GRB10: variants seen among roughly 807,000 people sequenced by gnomAD.
GRB10 encodes the protein growth factor receptor-bound protein 10.
In GRB10, 20 loss-of-function variants were observed where a neutral mutation model predicts 80.9. The ratio of observed to expected loss-of-function variants is 0.25; its 90% CI spans 0.17 to 0.36. The LOEUF is 0.36. GRB10 is among the 10% of genes least tolerant of loss of function. The probability of loss-of-function intolerance (pLI) is 1.00; values close to 1 mark genes in which losing one functional copy is unlikely to be tolerated. For missense variants in GRB10, 548 were observed against 747.7 expected (o/e 0.73, Z 3.12); for synonymous variants, 291 against 291.5 (o/e 1.00, Z 0.02).
At position 50,618,252 on chromosome 7, in the gene GRB10, C is replaced by T. The variant is rs1332590785; in HGVS notation, c.778-113G>A. 8.9e-6 allele frequency: 7 copies of T among 784,954 alleles called. No individual in the cohort carries two copies. In the East Asian group the frequency reaches 1.6e-4, roughly 18 times the overall value. The allele number at this position is 784,954 out of a possible 1,614,324, so 48.6% of individuals were successfully genotyped here. A position where few individuals can be genotyped will look rare whatever the true frequency, so the allele number is the denominator to read the frequency against. The stretch of plus-strand genomic sequence containing the variant: ...ATTCCTACCAGTATAATTACATACA[C>T]CTGTATTTAAAATGGCGGTCCTTTT... On this transcript the variant is annotated intron_variant, in intron 9 of 18. Transcript: ENST00000401949.
rs993041582 is a variant in GRB10 at position 50,669,835 on chromosome 7, T to G, written c.391A>C (p.Arg131=). 2 of 1,613,354 alleles carry G rather than the reference T, an allele frequency of 1.2e-6. No individual in the cohort carries two copies. Among genetic ancestry groups the G allele is most frequent in the Non-Finnish European group, 1.7e-6 (2 of 1,179,752 alleles). ...RRLQEEDQQF[R]TSSLPAIPNP... Reference sequence around the variant, plus strand: ...GGGATGGCCGGCAGAGATGAGGTTCTAAACTGCTGGTCTTCCTCCTGAAGG... The same window carrying G: ...GGGATGGCCGGCAGAGATGAGGTTCGAAACTGCTGGTCTTCCTCCTGAAGG... The change falls in exon 7 of 19, where the codon AGA becomes CGA. Residue 131 remains arginine, a synonymous_variant. Transcript: ENST00000401949.
At chr7:50,685,349 A>T (rs182149347) in intron 5 of GRB10, among the ~76,000 whole-genome samples, 1 of 152,336 alleles carries the variant, frequency 6.6e-6, no homozygotes, top group East Asian at 1.9e-4. Context: ...TGTTTTTACT[A>T]CTTCTGGAAA....
At chr7:50,616,470 AGTGT>A in intron 10 of GRB10, 123 bp from the exon 11 acceptor site, 2 of 898,088 alleles carry the variant, frequency 2.2e-6, no homozygotes, top group Non-Finnish European at 3.5e-6. Flanking sequence ...TCAAAATGAG[AGTGT>A]TCTCCTTTCC....
In GRB10 at chr7:50,617,928, A is replaced by G. The variant is rs2240498; in HGVS notation, c.846+143T>C. 1.3e-4 allele frequency: 99 copies of G among 758,058 alleles called. No homozygotes were observed. In the African/African-American group the frequency reaches 1.5e-3, roughly 11 times the overall value. 47.0% of individuals were successfully genotyped at this position (758,058 alleles called of 1,614,324 possible). ...TCTGGTTACTCTAAACCCTCCCCCCAACCACCCCTCCGGCTTAAGAGCCAA... is the reference window on the plus strand; with the variant it reads ...TCTGGTTACTCTAAACCCTCCCCCCGACCACCCCTCCGGCTTAAGAGCCAA... On this transcript the variant is annotated intron_variant, in intron 10 of 18. Transcript: ENST00000401949.
At chr7:50,706,826 G>A (rs915674246) in intron 4 of GRB10, among the ~76,000 whole-genome samples, 6 of 152,166 alleles carry the variant, frequency 3.9e-5, no homozygotes, top group African/African-American at 1.4e-4. Flanking sequence ...TGGATTCTCT[G>A]AGTCAATCTG....
chr7:50,757,596 A>C (rs2075256881), intron 2 of GRB10, among the ~76,000 whole-genome samples: 1 of 152,254 alleles, frequency 6.6e-6, no homozygotes, highest in Non-Finnish European at 1.5e-5. Flanking sequence ...GTCTCAAAGA[A>C]TTTGGAAGTT....
At chr7:50,628,098 A>G (rs952215962) in intron 7 of GRB10, among the ~76,000 whole-genome samples, 1 of 152,114 alleles carries the variant, frequency 6.6e-6, no homozygotes, top group Admixed American at 6.5e-5. Flanking sequence ...CAACTCTCAC[A>G]CCAACTGGTC....
chr7:50,760,529 G>A lies in GRB10; in HGVS notation c.-216-4473C>T, dbSNP rs1473079725. Reference sequence around the variant, plus strand: ...AAGCAGTTTTTTTCTTAGAACTAGTGGAATAATCCTAAAACTAACAAAATA... The same window carrying A: ...AAGCAGTTTTTTTCTTAGAACTAGTAGAATAATCCTAAAACTAACAAAATA... On this transcript the variant is annotated intron_variant, in intron 2 of 18. Transcript: ENST00000401949. Among the ~76,000 whole-genome samples, 4 of 151,864 alleles carry A rather than the reference G, an allele frequency of 2.6e-5. No homozygotes were observed. The East Asian group carries it at 7.7e-4, about 29-fold the overall frequency.
chr7:50,600,477 G>C (rs908363889), intron 17 of GRB10, among the ~76,000 whole-genome samples: 1 of 152,106 alleles, frequency 6.6e-6, no homozygotes, highest in African/African-American at 2.4e-5. Flanking sequence ...AAACCCAAGT[G>C]CATCTGGGAT....
chr7:50,693,266 T>C (rs2153659966), intron 5 of GRB10, among the ~76,000 whole-genome samples: 1 of 152,342 alleles, frequency 6.6e-6, no homozygotes, highest in South Asian at 2.1e-4. Context: ...TCTCTAATAA[T>C]TGGCATTCTT....
At chr7:50,605,509 A>G (rs2048371851) in intron 14 of GRB10, 103 bp from the exon 15 acceptor site, 1 of 965,858 alleles carries the variant, frequency 1.0e-6, no homozygotes. Context: ...GGAGCAGGGA[A>G]TGCCTGCTTT....
Position 50,674,345 on chromosome 7 carries a change from C to T in GRB10, c.362+91G>A. 13 of 1,256,326 alleles carry T rather than the reference C, an allele frequency of 1.0e-5. No homozygotes were observed. The South Asian group carries it at 1.2e-4, about 12-fold the overall frequency. The allele number at this position is 1,256,326 out of a possible 1,614,324, so 77.8% of individuals were successfully genotyped here. A position where few individuals can be genotyped will look rare whatever the true frequency, so the allele number is the denominator to read the frequency against. On this transcript the variant is annotated intron_variant, in intron 6 of 18. Coordinates refer to ENST00000401949, the MANE Select transcript of GRB10 (RefSeq NM_001350814.2). Reference sequence around the variant, plus strand: ...TTGACTTTGCAAGACCAACACTATTCCCCCCAACACCATTTAACTCACAGA... The same window carrying T: ...TTGACTTTGCAAGACCAACACTATTTCCCCCAACACCATTTAACTCACAGA...
chr7:50,622,054 G>T (rs1030711386), intron 8 of GRB10, among the ~76,000 whole-genome samples: 3 of 152,160 alleles, frequency 2.0e-5, no homozygotes, highest in African/African-American at 7.2e-5. Context: ...TGCAGCCCTT[G>T]GGCCACTCCC....
chr7:50,751,679 T>G (rs1234271439), intron 3 of GRB10, among the ~76,000 whole-genome samples: 1 of 152,238 alleles, frequency 6.6e-6, no homozygotes, highest in African/African-American at 2.4e-5. Context: ...CGTTTGCACA[T>G]TTTAAATATG....
chr7:50,787,271 G>C (rs542022333), upstream of GRB10, among the ~76,000 whole-genome samples: 188 of 151,018 alleles, frequency 1.2e-3, no homozygotes, highest in African/African-American at 4.2e-3. Flanking sequence ...TGGAGAGCAG[G>C]AGGAGGAGGA....
intron 7 of GRB10, among the ~76,000 whole-genome samples, chr7:50,657,677 T>C (rs1380649349): frequency 6.6e-6 from 1 of 152,180 alleles, no homozygotes; most frequent in Non-Finnish European, 1.5e-5. Flanking sequence ...ATGTTAGTCA[T>C]TAGCATTTGG....
At chr7:50,619,115 TA>T in intron 9 of GRB10, 54 bp downstream of exon 9, 2 of 1,039,166 alleles carry the variant, frequency 1.9e-6, no homozygotes, top group Non-Finnish European at 3.0e-6. Context: ...AACCCAAGTA[TA>T]AACTTCAAGA....
chr7:50,753,424 C>T (rs1269873686), intron 3 of GRB10, among the ~76,000 whole-genome samples: 2 of 152,182 alleles, frequency 1.3e-5, no homozygotes, highest in African/African-American at 4.8e-5. Flanking sequence ...CAAATGGGTG[C>T]CCACATTCAC....
intron 10 of GRB10, among the ~76,000 whole-genome samples, chr7:50,617,705 G>A (rs2153581820): frequency 6.6e-6 from 1 of 152,266 alleles, no homozygotes; most frequent in Non-Finnish European, 1.5e-5. Flanking sequence ...GCTAGGCGGT[G>A]GCCTGACCTG....
Sources: gnomAD v4.1 joint callset for allele counts (sites outside exome capture counted in the v4.1 genomes callset) on GRCh38, gnomAD v4.1.1 for gene constraint, MANE v1.5 for transcripts, NCBI Gene and HGNC (gene_info 2026-07-23, HGNC 2026-07-21) for gene names.